Variants in FANCA observed in about 807,000 individuals in gnomAD.
FANCA encodes the protein Fanconi anemia group A protein.
A neutral mutation model predicts 194.3 loss-of-function variants in FANCA; 236 were observed. The ratio of observed to expected loss-of-function variants is 1.21; its 90% CI spans 1.09 to 1.35. The LOEUF is 1.35. Among genes scored for constraint, FANCA ranks in the 40% most tolerant of loss-of-function variants. The pLI is 0.00. For missense variants in FANCA, 2,628 were observed against 1,813.9 expected (o/e 1.45, Z -8.15); for synonymous variants, 1,014 against 715.8 (o/e 1.42, Z -6.65).
chr16:89,809,108 G>T (rs538778391), intron 5 of FANCA, among the ~76,000 whole-genome samples: 5 of 151,810 alleles, frequency 3.3e-5, no homozygotes, highest in African/African-American at 9.7e-5. Context: ...GGGTTTCACC[G>T]TGTTAGCCAG....
At chr16:89,772,271 C>A (rs777369365) in intron 22 of FANCA, among the ~76,000 whole-genome samples, 1 of 152,252 alleles carries the variant, frequency 6.6e-6, no homozygotes, top group African/African-American at 2.4e-5. Flanking sequence ...TGCTTAAGCA[C>A]TGGAACTTTT....
chr16:89,778,464 T>TAAAAA (rs56664732), intron 20 of FANCA: 21 of 203,196 alleles, frequency 1.0e-4, no homozygotes, highest in Non-Finnish European at 1.3e-4. Flanking sequence ...AGACTCCATC[T>TAAAAA]AAAAAAAAAA....
At chr16:89,777,381 C>T (rs560271590) in intron 20 of FANCA, among the ~76,000 whole-genome samples, 3 of 152,118 alleles carry the variant, frequency 2.0e-5, no homozygotes, top group Admixed American at 1.3e-4. Flanking sequence ...GACCCTGTCT[C>T]AAAACAAATG....
Position 89,794,760 on chromosome 16 carries a change from G to A in FANCA, c.1006+1146C>T, listed in dbSNP as rs189837541. Among the ~76,000 whole-genome samples, 28 of 152,194 alleles carry A rather than the reference G, an allele frequency of 1.8e-4. 1 individual carries two copies. The highest frequency in any genetic ancestry group is 1.7e-3 in the Admixed American group (26 of 15,280). ...ACAGAAAAAGCTCAAAGTGTTCATC[G>A]TGGCCTTATTCGTAAGACTGATATC... On this transcript the variant is annotated intron_variant, in intron 11 of 42. Coordinates refer to ENST00000389301, the MANE Select transcript of FANCA (RefSeq NM_000135.4).
rs902046040 is a variant in FANCA at position 89,763,562 on chromosome 16, T to G, written c.2778+1328A>C. On this transcript the variant is annotated intron_variant, in intron 28 of 42. Transcript: ENST00000389301. ...TACCAAGGCACACTGGTGAGAGCAA[T>G]GCCAGCTCCAGTAACCAGGCACACA... is the stretch of plus-strand genomic sequence containing the variant. 3.3e-5 allele frequency among the ~76,000 whole-genome samples: 5 copies of G among 152,186 alleles called. 1 individual carries two copies. Among genetic ancestry groups the G allele is most frequent in the Admixed American group, 3.3e-4 (5 of 15,272 alleles).
chr16:89,770,958 C>T (rs1326632466), intron 23 of FANCA, among the ~76,000 whole-genome samples: 4 of 152,006 alleles, frequency 2.6e-5, no homozygotes, highest in Non-Finnish European at 4.4e-5. Context: ...TCTAAAGAGG[C>T]AGTCGAGCCC....
chr16:89,792,639 T>C, intron 11 of FANCA, 92 bp from the exon 12 acceptor site: 1 of 1,043,114 alleles, frequency 9.6e-7, no homozygotes, highest in Non-Finnish European at 1.5e-6. Flanking sequence ...TCGGTGGGTC[T>C]CTCCCCGTGT....
At chr16:89,758,104 A>AC (rs2038823815) in intron 30 of FANCA, among the ~76,000 whole-genome samples, 1 of 151,866 alleles carries the variant, frequency 6.6e-6, no homozygotes, top group South Asian at 2.1e-4. Context: ...TAATCCACCC[A>AC]CCTCAGCCTC....
intron 21 of FANCA, among the ~76,000 whole-genome samples, chr16:89,773,670 C>G (rs537923220): frequency 1.3e-5 from 2 of 151,996 alleles, no homozygotes; most frequent in Non-Finnish European, 2.9e-5. Flanking sequence ...ACTCCACCAC[C>G]GTGAGAAGCA....
chr16:89,794,274 A>T (rs547641216), intron 11 of FANCA, among the ~76,000 whole-genome samples: 8 of 151,230 alleles, frequency 5.3e-5, no homozygotes, highest in African/African-American at 1.9e-4. Flanking sequence ...CAGTAAGGTC[A>T]GGCTAGGTGG....
Position 89,808,993 on chromosome 16 carries a change from C to T in FANCA, c.523-626G>A, listed in dbSNP as rs540765440. ...CCATCTCGGGTCACTGTAAGCTCTG[C>T]CTCCCGGGTTCACGCCATTCTCCTG... On this transcript the variant is annotated intron_variant, in intron 5 of 42. Coordinates refer to ENST00000389301, the MANE Select transcript of FANCA (RefSeq NM_000135.4). Among the ~76,000 whole-genome samples, 9 of 152,058 alleles carry T rather than the reference C, an allele frequency of 5.9e-5. No homozygotes were observed. In the South Asian group the frequency reaches 1.7e-3, roughly 28 times the overall value.
At chr16:89,790,984 C>CA (rs1216527164) in intron 14 of FANCA, 1 of 255,872 alleles carries the variant, frequency 3.9e-6, no homozygotes. Context: ...TGTCTGCCAC[C>CA]ACACCTGCGT....
At chr16:89,769,805 A>C (rs1175416836) in intron 26 of FANCA, 32 bp downstream of exon 26, 11 of 1,611,742 alleles carry the variant, frequency 6.8e-6, no homozygotes, top group Non-Finnish European at 9.3e-6. Context: ...GAGAGAGAGG[A>C]GAGAAGACGC....
At chr16:89,739,026 C>A in intron 41 of FANCA, 52 bp from the exon 42 acceptor site, 1 of 1,614,114 alleles carries the variant, frequency 6.2e-7, no homozygotes, top group Non-Finnish European at 8.5e-7. Context: ...AGAAACAGGG[C>A]TGGTGTGTCC....
At chr16:89,791,341 T>A in intron 14 of FANCA, 62 bp downstream of exon 14, 1 of 1,592,570 alleles carries the variant, frequency 6.3e-7, no homozygotes. Context: ...GACAGCATGG[T>A]CCCCACTCCC....
Position 89,815,869 on chromosome 16 carries a change from C to A in FANCA, c.189+8G>T. ...TCTGCCCGCAGACGGACACCAGCTT[C>A]CTCTTACCTCAAGCAAAAGGGCATT... is the stretch of plus-strand genomic sequence containing the variant. On this transcript the variant is annotated splice_region_variant and intron_variant, in intron 2 of 42. Transcript: ENST00000389301. The A allele has an allele frequency of 6.2e-7, 1 of 1,602,870 alleles. No individual in the cohort carries two copies. The highest frequency in any genetic ancestry group is 8.5e-7 in the Non-Finnish European group (1 of 1,169,806).
Position 89,814,527 on chromosome 16 carries a change from T to C in FANCA, c.276A>G (p.Ser92=). 2 of 1,610,558 alleles carry C rather than the reference T, an allele frequency of 1.2e-6. No homozygotes were observed. Among genetic ancestry groups the C allele is most frequent in the Non-Finnish European group, 1.7e-6 (2 of 1,176,796 alleles). The change falls in exon 3 of 43, where the codon TCA becomes TCG. Residue 92 remains serine, a synonymous_variant. Transcript: ENST00000389301. The stretch of plus-strand genomic sequence containing the variant: ...AATGAAGCTATAACTTACCTATAAA[T>C]GAACTAGAATGATTAGCATAGGCCT... The part of the protein sequence containing the change: ...SSEAYANHSS[S]FIGSALQDQA...
rs1401053307 is a variant in FANCA at position 89,784,884 on chromosome 16, G to A, written c.1440C>T (p.Leu480=). 15 of 1,614,108 alleles carry A rather than the reference G, an allele frequency of 9.3e-6. No individual in the cohort carries two copies. The highest frequency in any genetic ancestry group is 1.2e-5 in the Non-Finnish European group (14 of 1,179,970). Residue 480 remains leucine (L), a synonymous_variant, in exon 15 of 43, where the codon CTC becomes CTT. Transcript: ENST00000389301. ...GGTACCGGGGAGACTCAAAAGGCAC[G>A]AGTTCTGACAAGAACGTAAACAGGA... ...LVFLFTFLSE[L]VPFESPRYLQ...
Position 89,737,689 on chromosome 16 carries a change from A to G in FANCA, c.*912T>C. The G allele has an allele frequency of 1.7e-5, 26 of 1,561,662 alleles. No individual in the cohort carries two copies. Among genetic ancestry groups the G allele is most frequent in the Non-Finnish European group, 2.2e-5 (25 of 1,152,054 alleles). On this transcript the variant is annotated 3_prime_UTR_variant, in exon 43 of 43. Coordinates refer to ENST00000389301, the MANE Select transcript of FANCA (RefSeq NM_000135.4). ...TAGGCCCCTTGCTTGGGCCCACTGC[A>G]TGGTGAACCATGTGCAGAAATGTCT...
Sources: gnomAD v4.1 joint callset for allele counts (sites outside exome capture counted in the v4.1 genomes callset) on GRCh38, gnomAD v4.1.1 for gene constraint, MANE v1.5 for transcripts, NCBI Gene and HGNC (gene_info 2026-07-23, HGNC 2026-07-21) for gene names.